Variants in SLC5A10 observed in about 807,000 individuals in gnomAD.
SLC5A10 encodes solute carrier family 5 member 10, also known as sodium/mannose cotransporter SLC5A10.
SLC5A10 carries 55 observed loss-of-function variants against 68.9 expected under a neutral mutation model. The ratio of observed to expected loss-of-function variants is 0.80; its 90% CI spans 0.64 to 1.00. The LOEUF (loss-of-function observed/expected upper bound fraction) is 1.00. SLC5A10 is among the 50% of genes least tolerant of loss of function. The pLI is 0.00. For missense variants in SLC5A10, 732 were observed against 819.3 expected (o/e 0.89, Z 1.30); for synonymous variants, 344 against 344.8 (o/e 1.00, Z 0.02).
chr17:19,015,316 A>G lies in SLC5A10; in HGVS notation c.1241+117A>G, dbSNP rs1007645281. 32 of 688,614 alleles carry G rather than the reference A, an allele frequency of 4.6e-5. No homozygotes were observed. The Admixed American group carries it at 8.5e-4, about 18-fold the overall frequency. The allele number at this position is 688,614 out of a possible 1,614,324, so 42.7% of individuals were successfully genotyped here. On this transcript the variant is annotated intron_variant, in intron 11 of 14. Coordinates refer to ENST00000395645, the MANE Select transcript of SLC5A10 (RefSeq NM_001042450.4). ...TAGAGAAAGGTGGATGCCAGGAAGG[A>G]GGGAAGAGAAGGGCCAGTGTACCCC...
Position 18,971,095 on chromosome 17 carries a change from C to G in SLC5A10, c.723C>G (p.Thr241=). 1.2e-6 allele frequency: 2 copies of G among 1,614,102 alleles called. No individual in the cohort carries two copies. The part of the protein sequence containing the change: ...AIPSRTIANT[T]CHLPRTDAMH... The stretch of plus-strand genomic sequence containing the variant: ...CCTCCAGGACCATTGCCAACACCAC[C>G]TGCCACCTGCCACGTACAGACGCCA... The change falls in exon 8 of 15, where the codon ACC becomes ACG. Residue 241 remains threonine (T), a synonymous_variant. Coordinates refer to ENST00000395645, the MANE Select transcript of SLC5A10 (RefSeq NM_001042450.4). This position sits in a 1 kb window ranked among gnomAD's most constrained non-coding sequence, Gnocchi z 5.5.
intron 8 of SLC5A10, among the ~76,000 whole-genome samples, chr17:18,972,974 C>T (rs1279354981): frequency 6.6e-6 from 1 of 152,250 alleles, no homozygotes; most frequent in Admixed American, 6.5e-5. Flanking sequence ...AGCAGGGCCC[C>T]TCATGCTCCG....
chr17:18,976,648 G>A (rs1029084257), intron 8 of SLC5A10: 8 of 608,608 alleles, frequency 1.3e-5, no homozygotes, highest in Admixed American at 3.0e-5. Flanking sequence ...AGTGTACCTC[G>A]GCTCTCGCTG....
At position 19,003,487 on chromosome 17, in the gene SLC5A10, G is replaced by T; in HGVS notation, c.983-9923G>T. 1 of 1,504,852 alleles carries T rather than the reference G, an allele frequency of 6.6e-7. No homozygotes were observed. The highest frequency in any genetic ancestry group is 1.4e-5 in the African/African-American group (1 of 71,312). 93.2% of individuals were successfully genotyped at this position (1,504,852 alleles called of 1,614,324 possible). ...TGAGAGGGGTCCGGTGGCTGGTTGG[G>T]CCATGGCTCCAGGAGTCCCCGCGCT... On this transcript the variant is annotated intron_variant, in intron 9 of 14. Transcript: ENST00000395645. The surrounding 1 kb of genome is among the most constrained non-coding windows in gnomAD (Gnocchi z 4.5).
intron 1 of SLC5A10, chr17:18,953,650 G>A (rs963683733): frequency 2.7e-5 from 4 of 148,498 alleles, no homozygotes; most frequent in Non-Finnish European, 6.0e-5. Context: ...TGGTGGTGGT[G>A]GCAGTTGTAG....
In SLC5A10 at chr17:19,020,316, C is replaced by T; in HGVS notation, c.1685-9C>T. 1 of 1,614,090 alleles carries T rather than the reference C, an allele frequency of 6.2e-7. No homozygotes were observed. Among genetic ancestry groups the T allele is most frequent in the Non-Finnish European group, 8.5e-7 (1 of 1,179,962 alleles). ...TCATCTGTCCCTCTCCTTCTGCAAC[C>T]CCCTCCAGGTGATGGCCAAACACCC... On this transcript the variant is annotated splice_polypyrimidine_tract_variant and intron_variant, in intron 14 of 14. Transcript: ENST00000395645.
Position 19,004,314 on chromosome 17 carries a change from A to T in SLC5A10, c.983-9096A>T. On this transcript the variant is annotated intron_variant, in intron 9 of 14. Coordinates refer to ENST00000395645, the MANE Select transcript of SLC5A10 (RefSeq NM_001042450.4). This position sits in a 1 kb window ranked among gnomAD's most constrained non-coding sequence, Gnocchi z 5.4. ...TGGGAAGATGAGGTGGGGGCACTGG[A>T]CTGGGATGGGAAGAAAGTAAGGGAT... 2.3e-6 allele frequency: 1 copy of T among 432,832 alleles called. No homozygotes were observed. The highest frequency in any genetic ancestry group is 4.5e-5 in the East Asian group (1 of 22,116). 26.8% of individuals were successfully genotyped at this position (432,832 alleles called of 1,614,324 possible).
chr17:18,952,381 G>A (rs150793475), intron 1 of SLC5A10, 65 bp downstream of exon 1: 30 of 1,542,162 alleles, frequency 1.9e-5, no homozygotes, highest in Admixed American at 9.7e-5. Flanking sequence ...GGTGGGAACC[G>A]GGGTCCAGCA....
Position 18,960,627 on chromosome 17 carries a change from T to TGAAG in SLC5A10, c.428_429insGAAG (p.Leu144LysfsTer74), listed in dbSNP as rs1327246953. On this transcript the variant is annotated frameshift_variant, in exon 5 of 15. Transcript: ENST00000395645. LOFTEE classifies it high-confidence loss of function. ...ATGTACCTGTCTGTCCTGTCCCTGC[T>TGAAG]ACTGTCTGTCTTCACCAAGATATCG... 4 of 1,614,008 alleles carry TGAAG rather than the reference T, an allele frequency of 2.5e-6. No homozygotes were observed. Among genetic ancestry groups the TGAAG allele is most frequent in the Non-Finnish European group, 8.5e-7 (1 of 1,179,982 alleles).
Position 19,020,640 on chromosome 17 carries a change from A to G in SLC5A10, c.*209A>G, listed in dbSNP as rs1332797968. ...AATAATGTGACATTTCAAAAACAGC[A>G]CCAAAGCAGTCAGCATTGGAAGGAA... On this transcript the variant is annotated 3_prime_UTR_variant, in exon 15 of 15. Coordinates refer to ENST00000395645, the MANE Select transcript of SLC5A10 (RefSeq NM_001042450.4). 1 of 582,494 alleles carries G rather than the reference A, an allele frequency of 1.7e-6. No individual in the cohort carries two copies. Among genetic ancestry groups the G allele is most frequent in the Admixed American group, 3.0e-5 (1 of 33,408 alleles). 36.1% of individuals were successfully genotyped at this position (582,494 alleles called of 1,614,324 possible). A position where few individuals can be genotyped will look rare whatever the true frequency, so the allele number is the denominator to read the frequency against.
At chr17:19,012,145 C>A (rs59146372) in intron 9 of SLC5A10, among the ~76,000 whole-genome samples, 9,427 of 152,270 alleles carry the variant, frequency 0.062, 973 homozygotes, top group African/African-American at 0.21. Context: ...TCTAGAAAGT[C>A]TTTTATGGGA....
Position 19,021,754 on chromosome 17 carries a change from G to A in SLC5A10, c.*1323G>A. The A allele has an allele frequency of 2.3e-6, 1 of 431,850 alleles. No homozygotes were observed. The highest frequency in any genetic ancestry group is 4.0e-6 in the Non-Finnish European group (1 of 252,906). 26.8% of individuals were successfully genotyped at this position (431,850 alleles called of 1,614,324 possible). Reference sequence around the variant, plus strand: ...GAAAGCAACCAGCCAGGAAGCCCCGGAGCTACCCTTGCTGGGTACCCTTGC... The same window carrying A: ...GAAAGCAACCAGCCAGGAAGCCCCGAAGCTACCCTTGCTGGGTACCCTTGC... On this transcript the variant is annotated 3_prime_UTR_variant, in exon 15 of 15. Transcript: ENST00000395645. The surrounding 1 kb of genome is among the most constrained non-coding windows in gnomAD (Gnocchi z 4.1).
At chr17:18,993,882 T>G (rs2043495865) in intron 9 of SLC5A10, among the ~76,000 whole-genome samples, 1 of 152,124 alleles carries the variant, frequency 6.6e-6, no homozygotes, top group African/African-American at 2.4e-5. Context: ...CCCACAAGGT[T>G]GTTGGAAATT....
intron 8 of SLC5A10, among the ~76,000 whole-genome samples, chr17:18,972,945 C>G (rs2042892362): frequency 6.6e-6 from 1 of 152,202 alleles, no homozygotes; most frequent in African/African-American, 2.4e-5. Context: ...GTTTCCCCAT[C>G]TGTAACACGT....
intron 9 of SLC5A10, among the ~76,000 whole-genome samples, chr17:18,984,215 C>A (rs532658060): frequency 3.1e-4 from 47 of 151,852 alleles, no homozygotes; most frequent in Non-Finnish European, 4.7e-4. Flanking sequence ...GGTGGCGGGC[C>A]CCTGTAGTCC....
At chr17:18,957,283 T>C (rs535589568) in intron 1 of SLC5A10, among the ~76,000 whole-genome samples, 2 of 152,306 alleles carry the variant, frequency 1.3e-5, no homozygotes, top group South Asian at 2.1e-4. Flanking sequence ...AGGATTTTAC[T>C]CTCAGACGTT....
At chr17:18,972,594 G>A (rs1447594404) in intron 8 of SLC5A10, among the ~76,000 whole-genome samples, 1 of 152,202 alleles carries the variant, frequency 6.6e-6, no homozygotes, top group African/African-American at 2.4e-5. Context: ...CGGGGGCGGT[G>A]GCTCAAGCCT....
intron 9 of SLC5A10, among the ~76,000 whole-genome samples, chr17:19,010,450 C>T (rs2043989854): frequency 6.6e-6 from 1 of 152,154 alleles, no homozygotes; most frequent in South Asian, 2.1e-4. Flanking sequence ...CCCAGCTCTG[C>T]CTCCCCGGGG....
At chr17:18,972,115 C>A (rs1020671571) in intron 8 of SLC5A10, among the ~76,000 whole-genome samples, 1 of 152,208 alleles carries the variant, frequency 6.6e-6, no homozygotes, top group African/African-American at 2.4e-5. Context: ...GCCCTCAAGA[C>A]CCTGTCACCA....
Sources: gnomAD v4.1 joint callset for allele counts (sites outside exome capture counted in the v4.1 genomes callset) on GRCh38, gnomAD v4.1.1 for gene constraint, Gnocchi (gnomAD v3.1) non-coding constraint, MANE v1.5 for transcripts, NCBI Gene and HGNC (gene_info 2026-07-23, HGNC 2026-07-21) for gene names.